The following CRKL variants were observed in gnomAD, a reference collection of about 807,000 sequenced individuals.
CRKL encodes CRK like proto-oncogene, adaptor protein.
A neutral mutation model predicts 23.0 loss-of-function variants in CRKL; 3 were observed. The ratio of observed to expected loss-of-function variants is 0.13; its 90% confidence interval spans 0.06 to 0.34. The LOEUF (loss-of-function observed/expected upper bound fraction) is 0.34. CRKL is among the 10% of genes least tolerant of loss of function. The pLI is 1.00. For missense variants in CRKL, 256 were observed against 394.5 expected (o/e 0.65, Z 2.97); for synonymous variants, 188 against 160.7 (o/e 1.17, Z -1.28).
rs1247116681 is a variant in CRKL at position 20,941,588 on chromosome 22, A to ATATATATTT, written c.777+7345_777+7346insATATATTTT. On this transcript the variant is annotated intron_variant, in intron 2 of 2. Transcript: ENST00000354336. ...TGTGTGTGTGTGTGTGTATATATAT[A>ATATATATTT]TTTTTTTTTTTTTTTTTTTTTTTTG... Among the ~76,000 whole-genome samples, 88 of 33,530 alleles carry ATATATATTT rather than the reference A, an allele frequency of 2.6e-3. 3 individuals carry two copies. The highest frequency in any genetic ancestry group is 9.1e-3 in the African/African-American group (75 of 8,252). 22.0% of individuals were successfully genotyped at this position (33,530 alleles called of 152,430 possible). A position where few individuals can be genotyped will look rare whatever the true frequency, so the allele number is the denominator to read the frequency against.
At chr22:20,947,277 A>T (rs560263229) in intron 2 of CRKL, among the ~76,000 whole-genome samples, 36 of 145,856 alleles carry the variant, frequency 2.5e-4, no homozygotes, top group Non-Finnish European at 4.2e-4. Context: ...AGGTCTCACT[A>T]TGTCACCCAG....
intron 2 of CRKL, among the ~76,000 whole-genome samples, chr22:20,937,063 GCTGGTCTTGAACTCCTAGC>G (rs1324558977): frequency 6.6e-6 from 1 of 151,936 alleles, no homozygotes; most frequent in Non-Finnish European, 1.5e-5. Context: ...TGTTGGCCAG[GCTGGTCTTGAACTCCTAGC>G]CTCTGATCAT....
In CRKL at chr22:20,953,099, T is replaced by A; in HGVS notation, c.*3254T>A. 4.3e-6 allele frequency: 1 copy of A among 232,200 alleles called. No individual in the cohort carries two copies. 14.4% of individuals were successfully genotyped at this position (232,200 alleles called of 1,614,324 possible). A position where few individuals can be genotyped will look rare whatever the true frequency, so the allele number is the denominator to read the frequency against. On this transcript the variant is annotated 3_prime_UTR_variant, in exon 3 of 3. Coordinates refer to ENST00000354336, the MANE Select transcript of CRKL (RefSeq NM_005207.4). ...TCAGAGGAATATGAACATTTTATTT[T>A]TGAAAAGGGATGATGTGGTTTTTTG... is the stretch of plus-strand genomic sequence containing the variant.
At chr22:20,940,566 C>CTT (rs55853175) in intron 2 of CRKL, among the ~76,000 whole-genome samples, 12,071 of 133,628 alleles carry the variant, frequency 0.09, 730 homozygotes, top group African/African-American at 0.18. Context: ...TTTGGTGCTC[C>CTT]TTTTTTTTTT....
intron 1 of CRKL, among the ~76,000 whole-genome samples, chr22:20,929,014 T>G (rs993585018): frequency 1.3e-5 from 2 of 152,082 alleles, no homozygotes; most frequent in African/African-American, 4.8e-5. Flanking sequence ...GCTGAGAGAT[T>G]CGTTATCATC....
intron 1 of CRKL, among the ~76,000 whole-genome samples, chr22:20,920,493 T>C (rs1920979965): frequency 1.3e-5 from 2 of 149,286 alleles, no homozygotes; most frequent in Non-Finnish European, 3.0e-5. Flanking sequence ...AGTGAGACTC[T>C]GTCTCAAAAA....
intron 2 of CRKL, among the ~76,000 whole-genome samples, chr22:20,946,114 T>C (rs1922044885): frequency 6.6e-6 from 1 of 152,190 alleles, no homozygotes. Context: ...ACCAGTGTAC[T>C]CCTGATCTTA....
rs1372918894 is a variant in CRKL at position 20,950,835 on chromosome 22, C to G, written c.*990C>G. 1.3e-5 allele frequency: 3 copies of G among 230,846 alleles called. No individual in the cohort carries two copies. Among genetic ancestry groups the G allele is most frequent in the Non-Finnish European group, 2.6e-5 (3 of 116,698 alleles). The allele number at this position is 230,846 out of a possible 1,614,324, so 14.3% of individuals were successfully genotyped here. On this transcript the variant is annotated 3_prime_UTR_variant, in exon 3 of 3. Transcript: ENST00000354336. ...TGTAACTAAAGGAATCTGAAAAGAACAACCCTGAAGCAGAGGCCTTTATTG... is the reference window on the plus strand; with the variant it reads ...TGTAACTAAAGGAATCTGAAAAGAAGAACCCTGAAGCAGAGGCCTTTATTG...
rs1249485081 is a variant in CRKL, at chr22:20,933,681, A to G, written c.312-98A>G. The G allele has an allele frequency of 4.8e-6, 5 of 1,043,246 alleles. No individual in the cohort carries two copies. The Admixed American group carries it at 9.6e-5, about 20-fold the overall frequency. 64.6% of individuals were successfully genotyped at this position (1,043,246 alleles called of 1,614,324 possible). ...AAAACTTGTCTCATAAAAAAGGAAAATAATTTATTATAGAGGAGAGTGGTA... is the reference window on the plus strand; with the variant it reads ...AAAACTTGTCTCATAAAAAAGGAAAGTAATTTATTATAGAGGAGAGTGGTA... On this transcript the variant is annotated intron_variant, in intron 1 of 2. Transcript: ENST00000354336.
At chr22:20,925,457 C>T (rs938908112) in intron 1 of CRKL, among the ~76,000 whole-genome samples, 3 of 152,164 alleles carry the variant, frequency 2.0e-5, no homozygotes, top group South Asian at 2.1e-4. Context: ...GACAGTGAGC[C>T]GAGATTGCGC....
chr22:20,936,346 T>TTTTTG (rs938120927), intron 2 of CRKL, among the ~76,000 whole-genome samples: 18 of 152,176 alleles, frequency 1.2e-4, no homozygotes, highest in South Asian at 2.1e-4. Context: ...TTTGTTTTTG[T>TTTTTG]TTTTGTTTTG....
rs141926626 is a variant in CRKL, at chr22:20,942,285, A to C, written c.778-7426A>C. 1.1e-4 allele frequency among the ~76,000 whole-genome samples: 17 copies of C among 152,332 alleles called. 1 individual carries two copies. In the East Asian group the frequency reaches 3.3e-3, roughly 29 times the overall value. ...CTTGTCCCAGCATGGGGTGACTCAC[A>C]CCTGTAATCCCAGTGCTTTGAAAGG... On this transcript the variant is annotated intron_variant, in intron 2 of 2. Coordinates refer to ENST00000354336, the MANE Select transcript of CRKL (RefSeq NM_005207.4).
chr22:20,938,189 A>G (rs1921732812), intron 2 of CRKL, among the ~76,000 whole-genome samples: 1 of 152,218 alleles, frequency 6.6e-6, no homozygotes, highest in African/African-American at 2.4e-5. Flanking sequence ...TTATTCCCCT[A>G]GATAGTATTA....
intron 2 of CRKL, among the ~76,000 whole-genome samples, chr22:20,936,249 C>G (rs1476682894): frequency 6.6e-6 from 1 of 152,194 alleles, no homozygotes; most frequent in Non-Finnish European, 1.5e-5. Context: ...AAACCAAATC[C>G]TGACTCACCA....
chr22:20,924,682 C>G (rs999524026), intron 1 of CRKL, among the ~76,000 whole-genome samples: 1 of 151,846 alleles, frequency 6.6e-6, no homozygotes, highest in African/African-American at 2.4e-5. Context: ...CGGTGAAACC[C>G]TGTCTCTACT....
chr22:20,926,681 A>G (rs1339808140), intron 1 of CRKL, among the ~76,000 whole-genome samples: 1 of 152,146 alleles, frequency 6.6e-6, no homozygotes, highest in Non-Finnish European at 1.5e-5. Context: ...GAGGCAGAAC[A>G]GGAATAAGTA....
intron 2 of CRKL, among the ~76,000 whole-genome samples, chr22:20,939,336 G>A (rs1681259851): frequency 6.8e-6 from 1 of 146,144 alleles, no homozygotes; most frequent in Non-Finnish European, 1.5e-5. Context: ...CGCCTCCCGG[G>A]TTCACGCCAT....
chr22:20,921,673 A>G (rs907872921), intron 1 of CRKL, among the ~76,000 whole-genome samples: 2 of 151,886 alleles, frequency 1.3e-5, no homozygotes, highest in Non-Finnish European at 2.9e-5. Flanking sequence ...GAGGTGAGAA[A>G]GTCCATTGTG....
intron 1 of CRKL, among the ~76,000 whole-genome samples, chr22:20,933,112 T>C (rs1349662323): frequency 6.6e-6 from 1 of 151,362 alleles, no homozygotes; most frequent in African/African-American, 2.4e-5. Context: ...GGCTCACACC[T>C]GTAATCCCAG....
Sources: gnomAD v4.1 joint callset for allele counts (sites outside exome capture counted in the v4.1 genomes callset) on GRCh38, gnomAD v4.1.1 for gene constraint, MANE v1.5 for transcripts, NCBI Gene and HGNC (gene_info 2026-07-23, HGNC 2026-07-21) for gene names.